CDK14: variants seen among roughly 807,000 people sequenced by gnomAD.
CDK14 encodes the protein cyclin dependent kinase 14.
A neutral mutation model predicts 60.7 loss-of-function variants in CDK14; 34 were observed. The observed-to-expected ratio is 0.56, with a 90% CI of 0.43 to 0.75. CDK14 has a LOEUF of 0.75. Ranked by LOEUF, CDK14 falls within the 30% of genes least tolerant of loss-of-function variation. The probability of loss-of-function intolerance (pLI) is 0.00; values close to 1 mark genes in which losing one functional copy is unlikely to be tolerated. For synonymous variants in CDK14, 197 were observed against 203.7 expected (o/e 0.97, Z 0.28); for missense variants, 482 against 564.1 (o/e 0.85, Z 1.47).
chr7:90,944,169 G>A (rs977451794), intron 8 of CDK14, among the ~76,000 whole-genome samples: 1 of 152,092 alleles, frequency 6.6e-6, no homozygotes, highest in African/African-American at 2.4e-5. Context: ...GCCTGATTTT[G>A]GACTTCCAAG....
At chr7:90,784,703 TG>T (rs1453082428) in intron 4 of CDK14, among the ~76,000 whole-genome samples, 1 of 152,194 alleles carries the variant, frequency 6.6e-6, no homozygotes, top group Admixed American at 6.5e-5. Flanking sequence ...AATAAAGTAT[TG>T]TAGTTAGCAC....
intron 11 of CDK14, among the ~76,000 whole-genome samples, chr7:91,063,313 A>G (rs1225821820): frequency 6.6e-6 from 1 of 152,228 alleles, no homozygotes; most frequent in Non-Finnish European, 1.5e-5. Flanking sequence ...CTTCGTTTCC[A>G]ATACTTAAGA....
chr7:90,829,546 T>C (rs73399814), intron 5 of CDK14, among the ~76,000 whole-genome samples: 3,300 of 152,170 alleles, frequency 0.022, 109 homozygotes, highest in African/African-American at 0.075. Context: ...AATCCTTTTT[T>C]TTTGAGATGG....
intron 2 of CDK14, among the ~76,000 whole-genome samples, chr7:90,634,884 T>G (rs1011974090): frequency 2.4e-4 from 36 of 152,266 alleles, no homozygotes; most frequent in African/African-American, 7.2e-4. Flanking sequence ...TGATGGCCAG[T>G]GATGATGAGC....
chr7:90,914,036 C>A (rs1018729676), intron 7 of CDK14, among the ~76,000 whole-genome samples: 1 of 152,144 alleles, frequency 6.6e-6, no homozygotes, highest in Admixed American at 6.6e-5. Flanking sequence ...GTCCCCTTGC[C>A]ACAGTTAATT....
chr7:91,077,483 G>T (rs1289591492), intron 11 of CDK14, among the ~76,000 whole-genome samples: 2 of 151,850 alleles, frequency 1.3e-5, no homozygotes, highest in African/African-American at 4.8e-5. Context: ...ACACACAGGG[G>T]CCTGTTGGGG....
At chr7:90,977,620 C>T (rs1424623967) in intron 9 of CDK14, among the ~76,000 whole-genome samples, 1 of 152,036 alleles carries the variant, frequency 6.6e-6, no homozygotes, top group Non-Finnish European at 1.5e-5. Context: ...TGACATGTCA[C>T]TCATGATGTT....
At chr7:90,777,446 T>G (rs1805095943) in intron 4 of CDK14, among the ~76,000 whole-genome samples, 1 of 152,238 alleles carries the variant, frequency 6.6e-6, no homozygotes, top group Admixed American at 6.5e-5. Flanking sequence ...TGTTGGAACC[T>G]GAAGGTTTAA....
At chr7:90,808,949 A>G (rs1474466401) in intron 5 of CDK14, among the ~76,000 whole-genome samples, 3 of 152,214 alleles carry the variant, frequency 2.0e-5, no homozygotes, top group Non-Finnish European at 2.9e-5. Flanking sequence ...CACCCAATAC[A>G]GAAGCACCCA....
At chr7:90,893,524 A>G in intron 6 of CDK14, among the ~76,000 whole-genome samples, 1 of 152,240 alleles carries the variant, frequency 6.6e-6, no homozygotes, top group Non-Finnish European at 1.5e-5. Context: ...CTTTATAACC[A>G]GCAGTGCCTT....
intron 12 of CDK14, among the ~76,000 whole-genome samples, chr7:91,089,513 G>C (rs998929892): frequency 6.6e-6 from 1 of 150,438 alleles, no homozygotes. Context: ...CCCTATTTAT[G>C]CATCTTCACA....
At chr7:91,070,975 T>G (rs1218848828) in intron 11 of CDK14, among the ~76,000 whole-genome samples, 1 of 152,158 alleles carries the variant, frequency 6.6e-6, no homozygotes, top group Non-Finnish European at 1.5e-5. Flanking sequence ...GATAAAGGTG[T>G]CACTTCAAAT....
At chr7:91,075,448 A>G (rs1275588980) in intron 11 of CDK14, among the ~76,000 whole-genome samples, 1 of 152,252 alleles carries the variant, frequency 6.6e-6, no homozygotes, top group African/African-American at 2.4e-5. Context: ...TCAATAAACT[A>G]GGTATTGATG....
intron 14 of CDK14, among the ~76,000 whole-genome samples, chr7:91,169,077 C>T (rs1024838039): frequency 6.6e-6 from 1 of 152,216 alleles, no homozygotes; most frequent in Non-Finnish European, 1.5e-5. Context: ...ATAAATCCAT[C>T]CATTTAAAGA....
chr7:90,928,662 C>T (rs940030494), intron 8 of CDK14, among the ~76,000 whole-genome samples: 21 of 152,176 alleles, frequency 1.4e-4, no homozygotes, highest in African/African-American at 5.1e-4. Context: ...TTAGGCTACT[C>T]GGGGGTCAGG....
chr7:91,102,570 A>T (rs1799174676), intron 12 of CDK14, among the ~76,000 whole-genome samples: 1 of 152,114 alleles, frequency 6.6e-6, no homozygotes, highest in African/African-American at 2.4e-5. Context: ...TTGTTATACA[A>T]GCAGGTGTAT....
At chr7:90,839,430 C>T (rs1037977055) in intron 5 of CDK14, among the ~76,000 whole-genome samples, 2 of 152,142 alleles carry the variant, frequency 1.3e-5, no homozygotes, top group Non-Finnish European at 2.9e-5. Context: ...GTGGTGAAAT[C>T]CACAGCAAGA....
chr7:91,210,082 T>A lies in CDK14; in HGVS notation c.*2946T>A, dbSNP rs925058344. ...GGCTGTATATACTGGGGTAGATTAT[T>A]GCCTGCCCCTTATACATAGGAATAT... On this transcript the variant is annotated 3_prime_UTR_variant, in exon 15 of 15. Transcript: ENST00000380050. 2.6e-5 allele frequency: 4 copies of A among 152,672 alleles called. No homozygotes were observed. The highest frequency in any genetic ancestry group is 9.6e-5 in the African/African-American group (4 of 41,466). The allele number at this position is 152,672 out of a possible 1,614,324, so 9.5% of individuals were successfully genotyped here.
chr7:90,801,761 A>G (rs1435910446), intron 5 of CDK14, among the ~76,000 whole-genome samples: 5 of 152,150 alleles, frequency 3.3e-5, no homozygotes, highest in Non-Finnish European at 7.4e-5. Flanking sequence ...GGGCTGTCCC[A>G]TAAGAGCCTT....
Sources: allele counts gnomAD v4.1 joint callset (sites outside exome capture counted in the v4.1 genomes callset), GRCh38; gene constraint gnomAD v4.1.1; transcripts MANE v1.5; gene names NCBI Gene and HGNC (gene_info 2026-07-23, HGNC 2026-07-21).